TPST1: variants seen among roughly 807,000 people sequenced by gnomAD.
TPST1 encodes protein-tyrosine sulfotransferase 1.
In TPST1, 20 loss-of-function variants were observed where a neutral mutation model predicts 34.8. The observed-to-expected ratio is 0.57, with a 90% CI of 0.40 to 0.84. The LOEUF is 0.84. TPST1 is among the 40% of genes least tolerant of loss of function. TPST1 has a pLI of 0.00. For synonymous variants in TPST1, 152 were observed against 159.4 expected, an observed-to-expected ratio of 0.95 and a Z score of 0.35; for missense variants, 353 against 455.5, an observed-to-expected ratio of 0.78 and a Z score of 2.05.
chr7:66,211,943 CGACAGAGCAA>C (rs1789271450), intron 1 of TPST1, among the ~76,000 whole-genome samples: 1 of 151,994 alleles, frequency 6.6e-6, no homozygotes, highest in South Asian at 2.1e-4. Flanking sequence ...TCCAGCCTGG[CGACAGAGCAA>C]GACTCTGCCT....
chr7:66,300,956 A>C (rs1231954280), intron 3 of TPST1, among the ~76,000 whole-genome samples: 1 of 151,936 alleles, frequency 6.6e-6, no homozygotes, highest in Non-Finnish European at 1.5e-5. Flanking sequence ...AAAAAAAAAA[A>C]CAAAAAACAA....
upstream of TPST1, among the ~76,000 whole-genome samples, chr7:66,204,148 G>A (rs1789072429): frequency 6.6e-6 from 1 of 151,934 alleles, no homozygotes; most frequent in South Asian, 2.1e-4. Flanking sequence ...CTCCACTCCA[G>A]CCTGGGAGAC....
rs772093085 is a variant in TPST1, at chr7:66,360,229, G to C, written c.*364G>C. On this transcript the variant is annotated 3_prime_UTR_variant, in exon 6 of 6. Coordinates refer to ENST00000304842, the MANE Select transcript of TPST1 (RefSeq NM_003596.4). ...AAATGGGATCCTGTAAGCAGACTTG[G>C]GCAGTCTCCTTTTGAAATAGGTTGT... is the stretch of plus-strand genomic sequence containing the variant. 1.4e-5 allele frequency: 4 copies of C among 280,082 alleles called. No homozygotes were observed. Among genetic ancestry groups the C allele is most frequent in the African/African-American group, 2.2e-5 (1 of 45,698 alleles). The allele number at this position is 280,082 out of a possible 1,614,324, so 17.3% of individuals were successfully genotyped here. A position where few individuals can be genotyped will look rare whatever the true frequency, so the allele number is the denominator to read the frequency against.
chr7:66,337,325 T>TA (rs1554355465), intron 3 of TPST1, among the ~76,000 whole-genome samples: 2 of 134,640 alleles, frequency 1.5e-5, no homozygotes, highest in African/African-American at 6.3e-5. Context: ...TTTTTTTTTT[T>TA]AAGACAGAGC....
At chr7:66,354,629 TGCTTC>T in intron 4 of TPST1, among the ~76,000 whole-genome samples, 1 of 151,608 alleles carries the variant, frequency 6.6e-6, no homozygotes, top group Non-Finnish European at 1.5e-5. Context: ...GGGACACTCC[TGCTTC>T]ACAACATACC....
At chr7:66,254,353 CCTT>C (rs367744970) in intron 2 of TPST1, among the ~76,000 whole-genome samples, 76 of 152,090 alleles carry the variant, frequency 5.0e-4, no homozygotes, top group African/African-American at 1.8e-3. Flanking sequence ...TTATTCAGTA[CCTT>C]CTTTTCATTG....
At chr7:66,296,247 T>TTCCCCCCCCCCCCCCCCCCCC (rs1554349789) in intron 3 of TPST1, among the ~76,000 whole-genome samples, 1 of 40,066 alleles carries the variant, frequency 2.5e-5, no homozygotes, top group East Asian at 5.4e-4. Context: ...CACCCACCCT[T>TTCCCCCCCCCCCCCCCCCCCC]CCCCCCCCCC....
chr7:66,352,740 A>G, intron 4 of TPST1, 185 bp downstream of exon 4: 2 of 985,446 alleles, frequency 2.0e-6, no homozygotes, highest in Non-Finnish European at 2.4e-6. Context: ...TTTTAACAAT[A>G]ATTTAACACA....
At chr7:66,234,410 C>CAG (rs934806954) in intron 1 of TPST1, among the ~76,000 whole-genome samples, 6 of 149,710 alleles carry the variant, frequency 4.0e-5, no homozygotes, top group African/African-American at 1.5e-4. Flanking sequence ...TACACACACA[C>CAG]ACACACACAC....
intron 1 of TPST1, among the ~76,000 whole-genome samples, chr7:66,224,901 C>CTTTTCTTTTTTTT (rs1789616977): frequency 2.4e-5 from 1 of 42,410 alleles, no homozygotes; most frequent in Non-Finnish European, 3.9e-5. Flanking sequence ...TTCTGGTATT[C>CTTTTCTTTTTTTT]TTTTTTTTTT....
intron 3 of TPST1, among the ~76,000 whole-genome samples, chr7:66,328,884 CTCTATA>C (rs1301053010): frequency 1.8e-3 from 54 of 29,408 alleles, no homozygotes; most frequent in South Asian, 5.0e-3. Context: ...CTCTCTCTCT[CTCTATA>C]TATATATATA....
At chr7:66,306,105 A>G (rs1056852165) in intron 3 of TPST1, among the ~76,000 whole-genome samples, 1 of 152,172 alleles carries the variant, frequency 6.6e-6, no homozygotes, top group African/African-American at 2.4e-5. Context: ...ATTATATTAT[A>G]TAAGATTACA....
chr7:66,283,109 A>G (rs1242329553), intron 2 of TPST1, among the ~76,000 whole-genome samples: 1 of 152,140 alleles, frequency 6.6e-6, no homozygotes, highest in African/African-American at 2.4e-5. Flanking sequence ...CTAAAAATAC[A>G]AAAATTAACT....
At chr7:66,252,158 C>T (rs1190453815) in intron 2 of TPST1, among the ~76,000 whole-genome samples, 6 of 150,924 alleles carry the variant, frequency 4.0e-5, no homozygotes, top group Admixed American at 1.3e-4. Flanking sequence ...CCCGGGTTCA[C>T]GCCATTCTCC....
chr7:66,283,862 A>G (rs1790980841), intron 2 of TPST1, among the ~76,000 whole-genome samples: 1 of 152,110 alleles, frequency 6.6e-6, no homozygotes, highest in African/African-American at 2.4e-5. Context: ...CTCTTGCTGG[A>G]TTCTGAGTAT....
intron 1 of TPST1, among the ~76,000 whole-genome samples, chr7:66,208,144 C>T (rs139685872): frequency 1.3e-5 from 2 of 152,296 alleles, no homozygotes; most frequent in East Asian, 3.9e-4. Flanking sequence ...AAATTCTCAT[C>T]AGCTCCCAAA....
chr7:66,323,672 C>A (rs1791803685), intron 3 of TPST1, among the ~76,000 whole-genome samples: 1 of 152,170 alleles, frequency 6.6e-6, no homozygotes, highest in Admixed American at 6.5e-5. Context: ...ATAAAGAATT[C>A]TTGCAAGTCA....
At chr7:66,343,489 C>G (rs907708872) in intron 3 of TPST1, among the ~76,000 whole-genome samples, 1 of 152,018 alleles carries the variant, frequency 6.6e-6, no homozygotes, top group Non-Finnish European at 1.5e-5. Flanking sequence ...ATCAGTTGTA[C>G]CCCAGACGTC....
chr7:66,333,033 G>A (rs1792026924), intron 3 of TPST1, among the ~76,000 whole-genome samples: 1 of 152,194 alleles, frequency 6.6e-6, no homozygotes, highest in Admixed American at 6.5e-5. Flanking sequence ...ATGACATATT[G>A]CTCACTTTAG....
Sources: gnomAD v4.1 joint callset for allele counts (sites outside exome capture counted in the v4.1 genomes callset) on GRCh38, gnomAD v4.1.1 for gene constraint, MANE v1.5 for transcripts, NCBI Gene and HGNC (gene_info 2026-07-23, HGNC 2026-07-21) for gene names.